Variants in GFRA1 observed in about 807,000 individuals in gnomAD.
GFRA1 encodes the protein GDNF family receptor alpha-1.
Under a neutral mutation model 51.6 loss-of-function variants are expected in GFRA1, and 16 were observed. The observed-to-expected ratio is 0.31, with a 90% CI of 0.21 to 0.47. GFRA1 has a LOEUF of 0.47. Ranked by LOEUF, GFRA1 falls within the 20% of genes least tolerant of loss-of-function variation. The pLI is 1.00. For synonymous variants in GFRA1, 270 were observed against 241.3 expected (o/e 1.12, Z -1.10); for missense variants, 530 against 594.3 (o/e 0.89, Z 1.13).
chr10:116,255,876 C>T (rs1256003308), intron 4 of GFRA1: 2 of 368,322 alleles, frequency 5.4e-6, no homozygotes, highest in South Asian at 1.1e-4. Context: ...TTTGGACTGA[C>T]TGGTAATTGG....
chr10:116,226,166 C>T (rs1429419926), intron 4 of GFRA1, among the ~76,000 whole-genome samples: 1 of 152,160 alleles, frequency 6.6e-6, no homozygotes, highest in Admixed American at 6.5e-5. Context: ...ATAAAATGCC[C>T]TCTGCTCTGT....
intron 5 of GFRA1, among the ~76,000 whole-genome samples, chr10:116,184,716 T>G (rs780001308): frequency 2.0e-5 from 3 of 152,198 alleles, no homozygotes; most frequent in Non-Finnish European, 4.4e-5. Context: ...CAGGGCAATT[T>G]CTCTGCCTGG....
At chr10:116,100,686 T>C (rs1191309638) in intron 6 of GFRA1, among the ~76,000 whole-genome samples, 2 of 152,338 alleles carry the variant, frequency 1.3e-5, no homozygotes, top group East Asian at 3.9e-4. Context: ...CTCACCATTG[T>C]TCGGCAAAGA....
Position 116,206,777 on chromosome 10 carries a change from C to T in GFRA1, c.433+4854G>A, listed in dbSNP as rs1964803633. ...CCTCCCGAGTAGCTGGGACTACAGG[C>T]GCCTGCCACGACGCCTGGCTAATTT... On this transcript the variant is annotated intron_variant, in intron 5 of 10. Transcript: ENST00000355422. Among the ~76,000 whole-genome samples the T allele has an allele frequency of 2.0e-5, 3 of 151,320 alleles. No individual in the cohort carries two copies. The South Asian group carries it at 6.3e-4, about 32-fold the overall frequency.
At chr10:116,273,667 C>T (rs868406790), upstream of GFRA1, among the ~76,000 whole-genome samples, 1 of 64,370 alleles carries the variant, frequency 1.6e-5, no homozygotes, top group Non-Finnish European at 3.0e-5. Flanking sequence ...CTCTCTCTCT[C>T]TCTGTCTCTC....
chr10:116,174,532 T>C (rs890436506), intron 5 of GFRA1, among the ~76,000 whole-genome samples: 3 of 152,204 alleles, frequency 2.0e-5, no homozygotes, highest in African/African-American at 7.2e-5. Flanking sequence ...AACTCCATAA[T>C]GACCTAAAAC....
intron 7 of GFRA1, among the ~76,000 whole-genome samples, 170 bp downstream of exon 7, chr10:116,096,485 T>C (rs10749187): frequency 0.62 from 93,498 of 151,238 alleles, 29,574 homozygotes; most frequent in Non-Finnish European, 0.69. Flanking sequence ...TTTTCTTCTT[T>C]TTTTTTTCTT....
chr10:116,134,081 G>A (rs918832904), intron 5 of GFRA1, among the ~76,000 whole-genome samples: 34 of 152,154 alleles, frequency 2.2e-4, no homozygotes, highest in African/African-American at 8.0e-4. Flanking sequence ...CTATTTCTAT[G>A]GATTATGAGG....
chr10:116,179,101 C>G (rs1961955235), intron 5 of GFRA1, among the ~76,000 whole-genome samples: 1 of 152,168 alleles, frequency 6.6e-6, no homozygotes, highest in South Asian at 2.1e-4. Context: ...AACGTATAGT[C>G]CAGACGAGAA....
intron 4 of GFRA1, among the ~76,000 whole-genome samples, chr10:116,258,380 A>ACATAT (rs1555173809): frequency 1.4e-5 from 2 of 146,148 alleles, no homozygotes; most frequent in Non-Finnish European, 3.0e-5. Flanking sequence ...ATAATATCTA[A>ACATAT]TATATTAATT....
chr10:116,068,943 G>A (rs1955242616), intron 9 of GFRA1, among the ~76,000 whole-genome samples: 2 of 152,298 alleles, frequency 1.3e-5, no homozygotes, highest in African/African-American at 4.8e-5. Flanking sequence ...AAACTCCTGA[G>A]ACTTTGTAAG....
chr10:116,141,543 C>T (rs1958566977), intron 5 of GFRA1, among the ~76,000 whole-genome samples: 1 of 150,104 alleles, frequency 6.7e-6, no homozygotes, highest in African/African-American at 2.5e-5. Context: ...GATGGGGAAA[C>T]AGCATTCACA....
At position 116,072,272 on chromosome 10, in the gene GFRA1, C is replaced by G. The variant is rs144252611; in HGVS notation, c.1198-6646G>C. Among the ~76,000 whole-genome samples, 5 of 152,164 alleles carry G rather than the reference C, an allele frequency of 3.3e-5. No individual in the cohort carries two copies. The East Asian group carries it at 9.7e-4, about 29-fold the overall frequency. ...CATCCCAACTGGAGAGAGTGAGGGG[C>G]ACTTGTGGGTAGAAGAAGCGAAGTC... On this transcript the variant is annotated intron_variant, in intron 9 of 10. Transcript: ENST00000355422.
chr10:116,199,953 T>A (rs148769935), intron 5 of GFRA1, among the ~76,000 whole-genome samples: 21 of 152,366 alleles, frequency 1.4e-4, no homozygotes, highest in African/African-American at 5.0e-4. Context: ...GAATTTCACA[T>A]AAATGGAACC....
At chr10:116,171,959 T>G (rs2134231599) in intron 5 of GFRA1, among the ~76,000 whole-genome samples, 1 of 152,254 alleles carries the variant, frequency 6.6e-6, no homozygotes, top group Middle Eastern at 3.4e-3. Context: ...CATGCCCAGC[T>G]TGGTGGTTTT....
chr10:116,203,162 C>G (rs1964473007), intron 5 of GFRA1, among the ~76,000 whole-genome samples: 1 of 152,172 alleles, frequency 6.6e-6, no homozygotes. Context: ...AACATATTAC[C>G]AAACCTACTG....
intron 6 of GFRA1, among the ~76,000 whole-genome samples, chr10:116,117,689 T>C (rs1052927866): frequency 6.6e-5 from 10 of 151,520 alleles, no homozygotes; most frequent in Non-Finnish European, 1.0e-4. Flanking sequence ...TAGAGATAGA[T>C]TGATGGAGAG....
chr10:116,225,534 CAAAAAAAAAAAAA>C (rs756377767), intron 4 of GFRA1, among the ~76,000 whole-genome samples: 2 of 63,952 alleles, frequency 3.1e-5, no homozygotes, highest in African/African-American at 6.8e-5. Context: ...AGTCTGTCTC[CAAAAAAAAAAAAA>C]AAAAAAAAAA....
chr10:116,228,069 C>T (rs751869812), intron 4 of GFRA1, among the ~76,000 whole-genome samples: 10 of 152,170 alleles, frequency 6.6e-5, no homozygotes, highest in African/African-American at 1.9e-4. Flanking sequence ...CCTGACTTCG[C>T]GTTTCAAAAG....
Sources: gnomAD v4.1 joint callset for allele counts (sites outside exome capture counted in the v4.1 genomes callset) on GRCh38, gnomAD v4.1.1 for gene constraint, MANE v1.5 for transcripts, NCBI Gene and HGNC (gene_info 2026-07-23, HGNC 2026-07-21) for gene names.